PLEKHG6: variants seen among roughly 807,000 people sequenced by gnomAD.
The protein encoded by PLEKHG6 is pleckstrin homology domain-containing family G member 6.
A neutral mutation model predicts 97.5 loss-of-function variants in PLEKHG6; 91 were observed. That is an observed-to-expected ratio of 0.93 (90% CI 0.79 to 1.11). The LOEUF (loss-of-function observed/expected upper bound fraction) is 1.11. Ranked by LOEUF, PLEKHG6 falls within the 50% of genes most tolerant of loss-of-function variation. PLEKHG6 has a pLI of 0.00. For synonymous variants in PLEKHG6, 466 were observed against 425.5 expected, an observed-to-expected ratio of 1.10 and a Z score of -1.17; for missense variants, 1,044 against 1,031.0, an observed-to-expected ratio of 1.01 and a Z score of -0.17.
intron 14 of PLEKHG6, among the ~76,000 whole-genome samples, 165 bp from the exon 15 acceptor site, chr12:6,327,081 TCTTAGGAG>T (rs1947884937): frequency 6.6e-6 from 1 of 152,154 alleles, no homozygotes; most frequent in Non-Finnish European, 1.5e-5. Flanking sequence ...GCCCGTACTC[TCTTAGGAG>T]CTTAAAATCT....
chr12:6,319,757 CA>C (rs1300283074), intron 13 of PLEKHG6: 26 of 1,307,806 alleles, frequency 2.0e-5, no homozygotes, highest in African/African-American at 7.4e-5. Context: ...GTACGGCAGG[CA>C]CTAGAGCTAG....
Position 6,328,445 on chromosome 12 carries a change from T to C in PLEKHG6, c.*300T>C, listed in dbSNP as rs2136807417. 2 of 382,446 alleles carry C rather than the reference T, an allele frequency of 5.2e-6. No homozygotes were observed. The highest frequency in any genetic ancestry group is 4.1e-5 in the South Asian group (1 of 24,150). The allele number at this position is 382,446 out of a possible 1,614,324, so 23.7% of individuals were successfully genotyped here. A position where few individuals can be genotyped will look rare whatever the true frequency, so the allele number is the denominator to read the frequency against. On this transcript the variant is annotated 3_prime_UTR_variant, in exon 16 of 16. Coordinates refer to ENST00000684764, the MANE Select transcript of PLEKHG6 (RefSeq NM_001384598.1). ...GGGAGGATCCCTTGAGCCCAGGAGTTCCAGACCAGCCTGGGCAATATAGGG... is the reference window on the plus strand; with the variant it reads ...GGGAGGATCCCTTGAGCCCAGGAGTCCCAGACCAGCCTGGGCAATATAGGG...
chr12:6,313,242 C>G (rs368000480), intron 2 of PLEKHG6: 1 of 1,482,678 alleles, frequency 6.7e-7, no homozygotes, highest in African/African-American at 1.4e-5. Context: ...AGGAGAGTTA[C>G]GAGAGACCAG....
At chr12:6,321,241 T>C (rs1266236933) in intron 13 of PLEKHG6, among the ~76,000 whole-genome samples, 2 of 152,002 alleles carry the variant, frequency 1.3e-5, no homozygotes, top group African/African-American at 2.4e-5. Context: ...AGGCTGGTCT[T>C]GAACTCCTGA....
Position 6,316,150 on chromosome 12 carries a change from C to A in PLEKHG6, c.607-105C>A. 5.1e-6 allele frequency: 6 copies of A among 1,182,494 alleles called. No homozygotes were observed. The highest frequency in any genetic ancestry group is 5.8e-6 in the Non-Finnish European group (5 of 856,180). The allele number at this position is 1,182,494 out of a possible 1,614,324, so 73.3% of individuals were successfully genotyped here. A position where few individuals can be genotyped will look rare whatever the true frequency, so the allele number is the denominator to read the frequency against. On this transcript the variant is annotated intron_variant, in intron 6 of 15. Transcript: ENST00000684764. This position sits in a 1 kb window ranked among gnomAD's most constrained non-coding sequence, Gnocchi z 4.1. ...CCAGTGCCCAGTTCATCCTTCTTCA[C>A]CCCCGCCCCTGCTGTCCAAGCTTAA... is the stretch of plus-strand genomic sequence containing the variant.
intron 2 of PLEKHG6, chr12:6,312,603 G>T: frequency 7.7e-7 from 1 of 1,305,450 alleles, no homozygotes; most frequent in Non-Finnish European, 9.7e-7. Flanking sequence ...CAGGCCCTCC[G>T]AGGAGTGCTG....
intron 13 of PLEKHG6, among the ~76,000 whole-genome samples, chr12:6,324,412 G>A (rs546591387): frequency 3.3e-5 from 5 of 151,884 alleles, no homozygotes; most frequent in African/African-American, 4.8e-5. Context: ...CTTCTTTCCC[G>A]TAACATCCCT....
chr12:6,315,822 C>A lies in PLEKHG6; in HGVS notation c.556-47C>A. 6.6e-7 allele frequency: 1 copy of A among 1,516,334 alleles called. No individual in the cohort carries two copies. The allele number at this position is 1,516,334 out of a possible 1,614,324, so 93.9% of individuals were successfully genotyped here. On this transcript the variant is annotated intron_variant, in intron 5 of 15. Coordinates refer to ENST00000684764, the MANE Select transcript of PLEKHG6 (RefSeq NM_001384598.1). The surrounding 1 kb of genome is among the most constrained non-coding windows in gnomAD (Gnocchi z 4.5). ...TGGTGGGGGGTGGGAGGTGACGACA[C>A]TGAAGGGCTGCGCTGGGTCCTGAGA...
At position 6,326,587 on chromosome 12, in the gene PLEKHG6, G is replaced by A. The variant is rs2302350; in HGVS notation, c.1670+14G>A. On this transcript the variant is annotated intron_variant, in intron 14 of 15. Transcript: ENST00000684764. ...CGCAGAGGGGAGGTAAGGCTCACAC[G>A]GACTACAAGGTCTCCCCGAGCAGGA... The A allele has an allele frequency of 0.45, 645,931 of 1,450,664 alleles. 151,579 individuals are homozygous for A. Among genetic ancestry groups the A allele is most frequent in the Non-Finnish European group, 0.48 (529,925 of 1,099,432 alleles). 89.9% of individuals were successfully genotyped at this position (1,450,664 alleles called of 1,614,324 possible). A position where few individuals can be genotyped will look rare whatever the true frequency, so the allele number is the denominator to read the frequency against.
At position 6,316,803 on chromosome 12, in the gene PLEKHG6, A is replaced by C. The variant is rs1947476837; in HGVS notation, c.756+399A>C. Among the ~76,000 whole-genome samples the C allele has an allele frequency of 6.6e-6, 1 of 152,126 alleles. No individual in the cohort carries two copies. Among genetic ancestry groups the C allele is most frequent in the Admixed American group, 6.5e-5 (1 of 15,276 alleles). Reference sequence around the variant, plus strand: ...AGAAAGCAAGAGGGCCTAGGATCCGACTTTCTTCTACAATGTTACCTAGCC... The same window carrying C: ...AGAAAGCAAGAGGGCCTAGGATCCGCCTTTCTTCTACAATGTTACCTAGCC... On this transcript the variant is annotated intron_variant, in intron 7 of 15. Coordinates refer to ENST00000684764, the MANE Select transcript of PLEKHG6 (RefSeq NM_001384598.1). The surrounding 1 kb of genome is among the most constrained non-coding windows in gnomAD (Gnocchi z 4.1).
intron 2 of PLEKHG6, 75 bp downstream of exon 2, chr12:6,312,439 C>G: frequency 1.4e-6 from 2 of 1,445,272 alleles, no homozygotes; most frequent in Non-Finnish European, 1.9e-6. Flanking sequence ...AGTCTCTGTC[C>G]CCTTACAGGT....
At position 6,327,697 on chromosome 12, in the gene PLEKHG6, G is replaced by C; in HGVS notation, c.2114G>C (p.Gly705Ala). The C allele has an allele frequency of 6.4e-7, 1 of 1,561,946 alleles. No individual in the cohort carries two copies. The highest frequency in any genetic ancestry group is 8.7e-7 in the Non-Finnish European group (1 of 1,152,546). The change falls in exon 15 of 16, where the codon GGG becomes GCG. Residue 705 changes from glycine (G) to alanine (A), a missense_variant. Gly to Ala is a moderately conservative substitution (Grantham distance 60). Coordinates refer to ENST00000684764, the MANE Select transcript of PLEKHG6 (RefSeq NM_001384598.1). ...PSSPTHADSA[G>A]ESPWESSGEE... is the part of the protein sequence containing the mutation. ...TCCCCAACCCATGCTGACTCTGCCGGGGAAAGCCCCTGGGAGTCCTCAGGG... is the reference window on the plus strand; with the variant it reads ...TCCCCAACCCATGCTGACTCTGCCGCGGAAAGCCCCTGGGAGTCCTCAGGG...
chr12:6,312,516 C>A (rs1947309156), intron 2 of PLEKHG6, 152 bp downstream of exon 2: 2 of 1,098,972 alleles, frequency 1.8e-6, no homozygotes, highest in Non-Finnish European at 2.4e-6. Flanking sequence ...AAGAGGAGGG[C>A]AGTGACAGGG....
rs762678632 is a variant in PLEKHG6 at position 6,316,083 on chromosome 12, G to C, written c.606+164G>C. Among the ~76,000 whole-genome samples, 1 of 152,116 alleles carries C rather than the reference G, an allele frequency of 6.6e-6. No individual in the cohort carries two copies. Among genetic ancestry groups the C allele is most frequent in the Non-Finnish European group, 1.5e-5 (1 of 68,020 alleles). On this transcript the variant is annotated intron_variant, in intron 6 of 15. Transcript: ENST00000684764. This position sits in a 1 kb window ranked among gnomAD's most constrained non-coding sequence, Gnocchi z 4.1. ...ACTGGGGACTCCAAGCAGGCCACAG[G>C]CCCCCCATTTCTCAGACTGACATCC...
chr12:6,324,089 G>C (rs1370665820), intron 13 of PLEKHG6, among the ~76,000 whole-genome samples: 1 of 152,032 alleles, frequency 6.6e-6, no homozygotes, highest in African/African-American at 2.4e-5. Flanking sequence ...TTTGTAGGGG[G>C]GTCACATTCT....
chr12:6,315,915 T>G lies in PLEKHG6; in HGVS notation c.602T>G (p.Met201Arg), dbSNP rs145571054. 3 of 1,580,250 alleles carry G rather than the reference T, an allele frequency of 1.9e-6. No individual in the cohort carries two copies. Among genetic ancestry groups the G allele is most frequent in the African/African-American group, 1.3e-5 (1 of 74,380 alleles). ...LLNLQRVGLL[M>R]EVSAETLFGN... Reference sequence around the variant, plus strand: ...AACCTGCAGCGAGTGGGACTGCTGATGGAAGTGAGTGGGTGCTCAGGAGGG... The same window carrying G: ...AACCTGCAGCGAGTGGGACTGCTGAGGGAAGTGAGTGGGTGCTCAGGAGGG... Residue 201 changes from methionine (M) to arginine (R), a missense_variant, in exon 6 of 16, where the codon ATG becomes AGG. By Grantham distance (91) the Met-to-Arg change is moderately conservative. Transcript: ENST00000684764. This position sits in a 1 kb window ranked among gnomAD's most constrained non-coding sequence, Gnocchi z 4.5.
intron 2 of PLEKHG6, 103 bp from the exon 3 acceptor site, chr12:6,313,526 G>A (rs1947345276): frequency 1.5e-6 from 2 of 1,372,582 alleles, no homozygotes; most frequent in Admixed American, 3.8e-5. Context: ...GACTTACCAG[G>A]GTGGGGGAAC....
chr12:6,327,479 T>TGGGGCCCCCCCCC lies in PLEKHG6; in HGVS notation c.1896_1897insGGGGCCCCCCCCC (p.Pro633GlyfsTer41). ...TGGAACTCCGGGACATCCCTCTGCGTCCCCACCCTCCCGACCCCCAAGCTC... is the reference window on the plus strand; with the variant it reads ...TGGAACTCCGGGACATCCCTCTGCGTGGGGCCCCCCCCCCCCCACCCTCCCGACCCCCAAGCTC... On this transcript the variant is annotated frameshift_variant, in exon 15 of 16. Transcript: ENST00000684764. LOFTEE classifies it high-confidence loss of function. 6.2e-6 allele frequency: 10 copies of TGGGGCCCCCCCCC among 1,603,230 alleles called. No homozygotes were observed. The highest frequency in any genetic ancestry group is 1.3e-5 in the African/African-American group (1 of 74,594).
Position 6,327,533 on chromosome 12 carries a change from G to A in PLEKHG6, c.1950G>A (p.Pro650=), listed in dbSNP as rs200121586. 4.5e-5 allele frequency: 61 copies of A among 1,343,840 alleles called. No individual in the cohort carries two copies. The East Asian group carries it at 6.8e-4, about 15-fold the overall frequency. The allele number at this position is 1,343,840 out of a possible 1,614,324, so 83.2% of individuals were successfully genotyped here. A position where few individuals can be genotyped will look rare whatever the true frequency, so the allele number is the denominator to read the frequency against. The change falls in exon 15 of 16, where the codon CCG becomes CCA. Residue 650 remains proline, a synonymous_variant. Transcript: ENST00000684764. ...APQRRSAPEL[P]EGILKGGSLP... ...AACGCCGAAGCGCCCCCGAACTGCCGGAAGGAATCCTAAAAGGAGGCAGTC... is the reference window on the plus strand; with the variant it reads ...AACGCCGAAGCGCCCCCGAACTGCCAGAAGGAATCCTAAAAGGAGGCAGTC...
Sources: gnomAD v4.1 joint callset for allele counts (sites outside exome capture counted in the v4.1 genomes callset) on GRCh38, gnomAD v4.1.1 for gene constraint, Gnocchi (gnomAD v3.1) non-coding constraint, MANE v1.5 for transcripts, NCBI Gene and HGNC (gene_info 2026-07-23, HGNC 2026-07-21) for gene names.